The following TSNARE1 variants were observed in gnomAD, a reference collection of about 807,000 sequenced individuals.
TSNARE1 encodes the protein t-SNARE domain-containing protein 1.
Under a neutral mutation model 62.0 loss-of-function variants are expected in TSNARE1, and 49 were observed. That is an observed-to-expected ratio of 0.79 (90% CI 0.63 to 1.00). The LOEUF is 1.00. Ranked by LOEUF, TSNARE1 falls within the 50% of genes least tolerant of loss-of-function variation. The pLI, the probability that TSNARE1 is intolerant of heterozygous loss-of-function variation, is 0.00. For missense variants in TSNARE1, 755 were observed against 700.1 expected (o/e 1.08, Z -0.88); for synonymous variants, 328 against 294.4 (o/e 1.11, Z -1.17).
intron 13 of TSNARE1, among the ~76,000 whole-genome samples, chr8:142,214,393 C>G (rs1354288187): frequency 6.6e-6 from 1 of 152,212 alleles, no homozygotes; most frequent in East Asian, 1.9e-4. Flanking sequence ...CCCCGCCACC[C>G]CGGATTTGGG....
chr8:142,379,151 G>A (rs190641361), intron 1 of TSNARE1, among the ~76,000 whole-genome samples: 4 of 152,232 alleles, frequency 2.6e-5, no homozygotes, highest in East Asian at 1.9e-4. Context: ...CCACGTCAGC[G>A]CCTCAGCAGC....
intron 13 of TSNARE1, among the ~76,000 whole-genome samples, chr8:142,214,338 C>T (rs1231123367): frequency 6.6e-6 from 1 of 152,226 alleles, no homozygotes; most frequent in Non-Finnish European, 1.5e-5. Context: ...GGCCTTGGCA[C>T]ATCCAGAATC....
Position 142,241,434 on chromosome 8 carries a change from A to G in TSNARE1, c.1447-11855T>C, listed in dbSNP as rs117203826. On this transcript the variant is annotated intron_variant, in intron 12 of 13. Coordinates refer to ENST00000524325, the MANE Select transcript of TSNARE1 (RefSeq NM_145003.5). Reference sequence around the variant, plus strand: ...TTTATACTGTTATAATGCCTATACTATGCAAGGCAATATACAGATCGAACA... The same window carrying G: ...TTTATACTGTTATAATGCCTATACTGTGCAAGGCAATATACAGATCGAACA... Among the ~76,000 whole-genome samples the G allele has an allele frequency of 8.1e-3, 1,232 of 152,368 alleles. 7 individuals are homozygous for G. Among genetic ancestry groups the G allele is most frequent in the Non-Finnish European group, 0.013 (891 of 68,032 alleles).
At chr8:142,321,724 TA>T (rs1479716279) in intron 6 of TSNARE1, among the ~76,000 whole-genome samples, 1 of 152,160 alleles carries the variant, frequency 6.6e-6, no homozygotes, top group Non-Finnish European at 1.5e-5. Flanking sequence ...AAAAATTCCT[TA>T]AAAGACATGA....
intron 1 of TSNARE1, among the ~76,000 whole-genome samples, chr8:142,365,631 C>CAG (rs1243634405): frequency 4.8e-5 from 7 of 147,202 alleles, no homozygotes; most frequent in Non-Finnish European, 8.9e-5. Flanking sequence ...CACACACACA[C>CAG]ACAGAGAGAG....
At chr8:142,365,125 A>T (rs1409612869) in intron 1 of TSNARE1, among the ~76,000 whole-genome samples, 1 of 152,240 alleles carries the variant, frequency 6.6e-6, no homozygotes, top group Non-Finnish European at 1.5e-5. Context: ...AGTCAGCATC[A>T]TCAGCCATGG....
intron 11 of TSNARE1, chr8:142,278,810 A>G (rs1232575245): frequency 2.0e-6 from 2 of 985,254 alleles, no homozygotes; most frequent in Non-Finnish European, 1.2e-6. Flanking sequence ...GTGGGCCCAG[A>G]GGGAGGGGCC....
intron 3 of TSNARE1, 26 bp downstream of exon 3, chr8:142,345,717 T>A: frequency 6.4e-7 from 1 of 1,556,314 alleles, no homozygotes. Flanking sequence ...CCAGGACCCC[T>A]GAGACCCAGC....
chr8:142,375,677 T>G (rs1836274969), intron 1 of TSNARE1, among the ~76,000 whole-genome samples: 1 of 152,222 alleles, frequency 6.6e-6, no homozygotes, highest in African/African-American at 2.4e-5. Flanking sequence ...AGCAAGTGGT[T>G]CAATGAAAAT....
In TSNARE1 at chr8:142,280,351, G is replaced by C. The variant is rs921607575; in HGVS notation, c.1363+4062C>G. ...TGGAAAGGCACCAGAGGCTGAGCAG[G>C]GGGCAGAGACCCTGGGGAGAGCAGC... On this transcript the variant is annotated intron_variant, in intron 11 of 13. Transcript: ENST00000524325. The C allele has an allele frequency of 1.2e-5, 12 of 984,180 alleles. No homozygotes were observed. In the Admixed American group the frequency reaches 6.8e-4, roughly 55 times the overall value. The allele number at this position is 984,180 out of a possible 1,614,324, so 61.0% of individuals were successfully genotyped here.
intron 4 of TSNARE1, among the ~76,000 whole-genome samples, chr8:142,342,775 C>T (rs1180195844): frequency 6.6e-6 from 1 of 151,260 alleles, no homozygotes; most frequent in Non-Finnish European, 1.5e-5. Context: ...TCTGGGCCCA[C>T]CACAGCAGGA....
chr8:142,341,584 G>A (rs767355994), intron 4 of TSNARE1, among the ~76,000 whole-genome samples: 1 of 152,162 alleles, frequency 6.6e-6, no homozygotes, highest in Non-Finnish European at 1.5e-5. Flanking sequence ...TTGGACACAG[G>A]CTAGGACAGC....
At chr8:142,312,673 G>C (rs1020199101) in intron 9 of TSNARE1, among the ~76,000 whole-genome samples, 1 of 152,064 alleles carries the variant, frequency 6.6e-6, no homozygotes, top group African/African-American at 2.4e-5. Context: ...CTCACATCAC[G>C]CACACACCAG....
At chr8:142,393,668 TCCA>T (rs1249503757) in intron 1 of TSNARE1, among the ~76,000 whole-genome samples, 1 of 152,138 alleles carries the variant, frequency 6.6e-6, no homozygotes, top group African/African-American at 2.4e-5. Flanking sequence ...CCCCGTCCAC[TCCA>T]CCACCTCCTG....
intron 13 of TSNARE1, among the ~76,000 whole-genome samples, chr8:142,216,530 G>A (rs1815845402): frequency 6.6e-6 from 1 of 152,182 alleles, no homozygotes; most frequent in African/African-American, 2.4e-5. Context: ...TGAGGCTGGA[G>A]GGTGTCGGCC....
At chr8:142,380,817 G>A (rs751065279) in intron 1 of TSNARE1, among the ~76,000 whole-genome samples, 6 of 152,110 alleles carry the variant, frequency 3.9e-5, no homozygotes, top group Non-Finnish European at 7.4e-5. Context: ...GCTGACAGGC[G>A]TGGTCTGAGT....
At chr8:142,234,010 C>G (rs1318926719) in intron 12 of TSNARE1, among the ~76,000 whole-genome samples, 3 of 152,226 alleles carry the variant, frequency 2.0e-5, no homozygotes, top group Non-Finnish European at 4.4e-5. Context: ...CCTAGCCATC[C>G]TGAATGTGGC....
intron 12 of TSNARE1, among the ~76,000 whole-genome samples, chr8:142,238,879 C>G (rs569733016): frequency 6.6e-6 from 1 of 152,036 alleles, no homozygotes; most frequent in East Asian, 2.0e-4. Context: ...CCAACCTCAG[C>G]TCAGGTGGCA....
chr8:142,245,887 A>G (rs951238833), intron 12 of TSNARE1, among the ~76,000 whole-genome samples: 1 of 152,196 alleles, frequency 6.6e-6, no homozygotes, highest in East Asian at 1.9e-4. Context: ...TGGCTGTTGA[A>G]TAACAGATCA....
Sources: gnomAD v4.1 joint callset for allele counts (sites outside exome capture counted in the v4.1 genomes callset) on GRCh38, gnomAD v4.1.1 for gene constraint, MANE v1.5 for transcripts, NCBI Gene and HGNC (gene_info 2026-07-23, HGNC 2026-07-21) for gene names.